The following CDK14 variants were observed in gnomAD, a reference collection of about 807,000 sequenced individuals.
The protein encoded by CDK14 is cyclin dependent kinase 14.
Under a neutral mutation model 60.7 loss-of-function variants are expected in CDK14, and 34 were observed. That is an observed-to-expected ratio of 0.56 (90% CI 0.43 to 0.75). CDK14 has a LOEUF of 0.75. Ranked by LOEUF, CDK14 falls within the 30% of genes least tolerant of loss-of-function variation. CDK14 has a pLI of 0.00. For missense variants in CDK14, 482 were observed against 564.1 expected (o/e 0.85, Z 1.47); for synonymous variants, 197 against 203.7 (o/e 0.97, Z 0.28).
Position 90,910,818 on chromosome 7 carries a change from A to C in CDK14, c.703-6783A>C, listed in dbSNP as rs527407572. On this transcript the variant is annotated intron_variant, in intron 7 of 14. Transcript: ENST00000380050. ...TCAGGGGTACATGTGCAGGATGTGCAGGTTTGTTGCATAGGTAAAGGCATG... is the reference window on the plus strand; with the variant it reads ...TCAGGGGTACATGTGCAGGATGTGCCGGTTTGTTGCATAGGTAAAGGCATG... Among the ~76,000 whole-genome samples, 3 of 152,150 alleles carry C rather than the reference A, an allele frequency of 2.0e-5. No individual in the cohort carries two copies. The South Asian group carries it at 6.2e-4, about 32-fold the overall frequency.
chr7:90,782,174 A>T (rs1216985880), intron 4 of CDK14, among the ~76,000 whole-genome samples: 1 of 151,968 alleles, frequency 6.6e-6, no homozygotes, highest in Non-Finnish European at 1.5e-5. Context: ...ATTCTCTTTG[A>T]AGCAATTGTG....
At chr7:91,069,772 T>G (rs1436623286) in intron 11 of CDK14, among the ~76,000 whole-genome samples, 2 of 152,304 alleles carry the variant, frequency 1.3e-5, no homozygotes, top group East Asian at 3.9e-4. Context: ...CAATCAGATT[T>G]CCAATGGAAA....
At position 90,596,727 on chromosome 7, in the gene CDK14, C is replaced by G. The variant is rs772888667; in HGVS notation, c.91+9C>G. On this transcript the variant is annotated intron_variant, in intron 1 of 14. Coordinates refer to ENST00000380050, the MANE Select transcript of CDK14 (RefSeq NM_001287135.2). ...GAGTTTCAGTCGCATTGGTGAGTAGCGCGCTGCCCCCGGCCCCCCCAGCGC... is the reference window on the plus strand; with the variant it reads ...GAGTTTCAGTCGCATTGGTGAGTAGGGCGCTGCCCCCGGCCCCCCCAGCGC... 11 of 1,605,516 alleles carry G rather than the reference C, an allele frequency of 6.9e-6. No individual in the cohort carries two copies. The South Asian group carries it at 8.8e-5, about 13-fold the overall frequency.
chr7:90,643,828 C>T (rs1800400614), intron 2 of CDK14, among the ~76,000 whole-genome samples: 3 of 152,158 alleles, frequency 2.0e-5, no homozygotes, highest in African/African-American at 7.2e-5. Flanking sequence ...CTGTTCACAT[C>T]TCAACAGCCT....
intron 3 of CDK14, among the ~76,000 whole-genome samples, 196 bp from the exon 4 acceptor site, chr7:90,747,485 T>C (rs775749181): frequency 4.6e-5 from 7 of 152,268 alleles, no homozygotes; most frequent in Non-Finnish European, 1.0e-4. Flanking sequence ...AATTTCGTTC[T>C]ACATTGTGTT....
chr7:91,203,039 C>T (rs1240703324), intron 14 of CDK14, among the ~76,000 whole-genome samples: 1 of 152,122 alleles, frequency 6.6e-6, no homozygotes, highest in African/African-American at 2.4e-5. Flanking sequence ...ATGCCATTGA[C>T]TGTGGTGACA....
At chr7:90,658,484 A>G (rs910090061) in intron 2 of CDK14, among the ~76,000 whole-genome samples, 2 of 152,154 alleles carry the variant, frequency 1.3e-5, no homozygotes, top group Non-Finnish European at 2.9e-5. Context: ...TCGTAATACC[A>G]TCATATTGGG....
chr7:91,058,972 A>G (rs1178248220), intron 11 of CDK14, among the ~76,000 whole-genome samples: 1 of 152,228 alleles, frequency 6.6e-6, no homozygotes, highest in Non-Finnish European at 1.5e-5. Context: ...TAGCTTCAGA[A>G]GGAATGGTAC....
At chr7:90,946,672 A>C (rs1164298866) in intron 8 of CDK14, among the ~76,000 whole-genome samples, 7 of 152,224 alleles carry the variant, frequency 4.6e-5, no homozygotes, top group Admixed American at 4.6e-4. Context: ...GGAATGTTTT[A>C]AAAATTCACT....
intron 14 of CDK14, among the ~76,000 whole-genome samples, chr7:91,132,767 G>A (rs1400915655): frequency 2.0e-5 from 3 of 152,004 alleles, no homozygotes; most frequent in African/African-American, 7.2e-5. Context: ...GATGATAAAG[G>A]GTACAGCAGA....
chr7:91,000,474 A>G (rs1240997233), intron 10 of CDK14, among the ~76,000 whole-genome samples: 2 of 152,228 alleles, frequency 1.3e-5, no homozygotes, highest in East Asian at 3.8e-4. Context: ...ATGCCACACC[A>G]TATGTTTATA....
intron 2 of CDK14, among the ~76,000 whole-genome samples, chr7:90,675,634 A>G (rs1430855413): frequency 6.6e-6 from 1 of 152,264 alleles, no homozygotes; most frequent in Non-Finnish European, 1.5e-5. Context: ...TAATACATCT[A>G]TGTATTAATA....
At chr7:90,933,958 T>G (rs1793675790) in intron 8 of CDK14, among the ~76,000 whole-genome samples, 2 of 152,252 alleles carry the variant, frequency 1.3e-5, no homozygotes, top group Admixed American at 1.3e-4. Context: ...ATTCCCAGCC[T>G]CTTTCCAAAA....
chr7:90,836,463 G>A (rs777011624), intron 5 of CDK14, among the ~76,000 whole-genome samples: 3 of 151,958 alleles, frequency 2.0e-5, no homozygotes, highest in African/African-American at 7.2e-5. Context: ...CTTCCACCTC[G>A]ATGTCTTGTC....
intron 5 of CDK14, among the ~76,000 whole-genome samples, chr7:90,832,556 G>A (rs1024925518): frequency 1.3e-5 from 2 of 151,844 alleles, no homozygotes; most frequent in African/African-American, 2.4e-5. Context: ...AAAGAAGATA[G>A]GTATGTTTAA....
intron 2 of CDK14, among the ~76,000 whole-genome samples, chr7:90,719,702 T>C (rs1802376151): frequency 6.6e-6 from 1 of 152,220 alleles, no homozygotes; most frequent in African/African-American, 2.4e-5. Context: ...TTCTAGCTTC[T>C]ATTGAATTTA....
intron 9 of CDK14, among the ~76,000 whole-genome samples, chr7:90,958,701 G>A (rs905830582): frequency 6.6e-6 from 1 of 152,140 alleles, no homozygotes; most frequent in African/African-American, 2.4e-5. Context: ...AGTTGGCTCT[G>A]CAGATATTCA....
rs547100231 is a variant in CDK14, at chr7:91,146,277, T to C, written c.*28+28069T>C. On this transcript the variant is annotated intron_variant, in intron 14 of 14. Coordinates refer to ENST00000380050, the MANE Select transcript of CDK14 (RefSeq NM_001287135.2). ...GTGCAATAGCGCAATATTGGCTCACTGCAACCTCCAACTCCCAGGTTCAAG... is the reference window on the plus strand; with the variant it reads ...GTGCAATAGCGCAATATTGGCTCACCGCAACCTCCAACTCCCAGGTTCAAG... 2.0e-4 allele frequency among the ~76,000 whole-genome samples: 30 copies of C among 152,324 alleles called. 1 individual carries two copies. In the South Asian group the frequency reaches 6.2e-3, roughly 32 times the overall value.
chr7:90,643,265 C>T (rs1051824557), intron 2 of CDK14, among the ~76,000 whole-genome samples: 8 of 152,096 alleles, frequency 5.3e-5, no homozygotes, highest in African/African-American at 1.2e-4. Flanking sequence ...GAAGAGTTGT[C>T]GGCTTTTTTG....
Sources: gnomAD v4.1 joint callset for allele counts (sites outside exome capture counted in the v4.1 genomes callset) on GRCh38, gnomAD v4.1.1 for gene constraint, MANE v1.5 for transcripts, NCBI Gene and HGNC (gene_info 2026-07-23, HGNC 2026-07-21) for gene names.